AFG2A: variants seen among roughly 807,000 people sequenced by gnomAD.
AFG2A encodes the protein AAA ATPase AFG2A.
chr4:123,185,521 G>A, the AFG2A span, among the ~76,000 whole-genome samples: 1 of 152,028 alleles, frequency 6.6e-6, no homozygotes, highest in Non-Finnish European at 1.5e-5. Flanking sequence ...AACTCACACA[G>A]CTAATAGCTG....
the AFG2A span, among the ~76,000 whole-genome samples, chr4:123,084,422 C>T: frequency 6.6e-6 from 1 of 151,824 alleles, no homozygotes; most frequent in Admixed American, 6.6e-5. Flanking sequence ...TATATACTCT[C>T]AATACTATAA....
chr4:123,104,170 T>G, the AFG2A span, among the ~76,000 whole-genome samples: 2 of 152,204 alleles, frequency 1.3e-5, no homozygotes, highest in Non-Finnish European at 2.9e-5. Flanking sequence ...CAACAGCATA[T>G]TCTCACTTCA....
the AFG2A span, among the ~76,000 whole-genome samples, chr4:123,080,050 A>C: frequency 6.6e-6 from 1 of 151,768 alleles, no homozygotes; most frequent in East Asian, 1.9e-4. Context: ...CACCTGGCCA[A>C]CTCCAACCTT....
At chr4:123,281,595 A>G in the AFG2A span, among the ~76,000 whole-genome samples, 453 of 152,290 alleles carry the variant, frequency 3.0e-3, 2 homozygotes, top group African/African-American at 9.9e-3. Flanking sequence ...GTGGGTTGCT[A>G]ATTAAGACAC....
At chr4:122,985,348 C>CT in the AFG2A span, among the ~76,000 whole-genome samples, 2 of 152,042 alleles carry the variant, frequency 1.3e-5, no homozygotes, top group Admixed American at 6.6e-5. Flanking sequence ...AGGCTTGTCT[C>CT]TAACTCTTGA....
At chr4:123,155,866 C>T in the AFG2A span, among the ~76,000 whole-genome samples, 1 of 152,138 alleles carries the variant, frequency 6.6e-6, no homozygotes, top group Non-Finnish European at 1.5e-5. Context: ...AGTTTTAAAG[C>T]ATAGTTTGAT....
chr4:123,287,093 G>A, the AFG2A span, among the ~76,000 whole-genome samples: 2 of 152,144 alleles, frequency 1.3e-5, no homozygotes, highest in South Asian at 2.1e-4. Flanking sequence ...TCAGGGTACT[G>A]ATGGGGTCAG....
At chr4:122,979,493 T>G in the AFG2A span, 3 of 1,313,582 alleles carry the variant, frequency 2.3e-6, no homozygotes, top group Non-Finnish European at 1.0e-6. Context: ...AAAAAATATT[T>G]TTCTTAATTG....
chr4:122,971,178 G>A, the AFG2A span, among the ~76,000 whole-genome samples: 16 of 152,320 alleles, frequency 1.1e-4, no homozygotes, highest in East Asian at 3.9e-4. Flanking sequence ...AGGCCAAGGT[G>A]GGAGGATCCC....
the AFG2A span, among the ~76,000 whole-genome samples, chr4:123,001,169 A>T: frequency 6.8e-6 from 1 of 146,132 alleles, no homozygotes; most frequent in Non-Finnish European, 1.5e-5. Flanking sequence ...ATCATTTTTT[A>T]TTGCGTTTAT....
At chr4:123,057,354 G>A in the AFG2A span, 4 of 1,465,950 alleles carry the variant, frequency 2.7e-6, no homozygotes, top group South Asian at 2.4e-5. Flanking sequence ...TAGCAATTAT[G>A]GTATAAATAG....
chr4:123,081,059 G>T, the AFG2A span, among the ~76,000 whole-genome samples: 1 of 151,988 alleles, frequency 6.6e-6, no homozygotes, highest in Admixed American at 6.6e-5. Flanking sequence ...AACATCCTGT[G>T]GGAGAGTGAT....
the AFG2A span, among the ~76,000 whole-genome samples, chr4:123,182,945 G>C: frequency 3.5e-4 from 54 of 152,196 alleles, no homozygotes; most frequent in Admixed American, 1.3e-4. Context: ...ACAGTTTAAG[G>C]GGGGAAGAAA....
chr4:123,264,245 C>T, the AFG2A span, among the ~76,000 whole-genome samples: 1 of 152,134 alleles, frequency 6.6e-6, no homozygotes, highest in Non-Finnish European at 1.5e-5. Flanking sequence ...TAAAAGACTA[C>T]ACATTGGGTA....
chr4:123,160,546 C>T, the AFG2A span, among the ~76,000 whole-genome samples: 1 of 152,170 alleles, frequency 6.6e-6, no homozygotes, highest in South Asian at 2.1e-4. Context: ...ATTCTCTCAT[C>T]TCTGCCTGTG....
chr4:123,225,418 T>C, the AFG2A span, among the ~76,000 whole-genome samples: 1 of 152,210 alleles, frequency 6.6e-6, no homozygotes, highest in Non-Finnish European at 1.5e-5. Flanking sequence ...CAGTTTCAGC[T>C]TTCTACATAT....
the AFG2A span, among the ~76,000 whole-genome samples, chr4:123,112,490 C>A: frequency 6.6e-6 from 1 of 152,092 alleles, no homozygotes; most frequent in African/African-American, 2.4e-5. Context: ...GATGTGATTT[C>A]TTTTATAGTC....
chr4:122,935,985 C>A, the AFG2A span: 3 of 1,293,082 alleles, frequency 2.3e-6, no homozygotes, highest in East Asian at 7.9e-5. Context: ...TTGGAAAATT[C>A]TTTTTGAAAG....
the AFG2A span, among the ~76,000 whole-genome samples, chr4:123,156,853 A>G: frequency 6.6e-6 from 1 of 151,800 alleles, no homozygotes; most frequent in Admixed American, 6.6e-5. Flanking sequence ...GCTGCTGTTC[A>G]TAGAGATGCC....
Sources: allele counts gnomAD v4.1 joint callset (sites outside exome capture counted in the v4.1 genomes callset), GRCh38; gene constraint gnomAD v4.1.1; transcripts MANE v1.5; gene names NCBI Gene and HGNC (gene_info 2026-07-23, HGNC 2026-07-21).